Variants in CELF2 observed in about 807,000 individuals in gnomAD.
CELF2 encodes CUGBP Elav-like family member 2.
In CELF2, 8 loss-of-function variants were observed where a neutral mutation model predicts 62.6. The ratio of observed to expected loss-of-function variants is 0.13; its 90% confidence interval spans 0.07 to 0.23. The LOEUF is 0.23. Among genes scored for constraint, CELF2 ranks in the 10% least tolerant of loss-of-function variants. The probability of loss-of-function intolerance (pLI) is 1.00; values close to 1 mark genes in which losing one functional copy is unlikely to be tolerated. For missense variants in CELF2, 333 were observed against 671.0 expected, an observed-to-expected ratio of 0.50 and a Z score of 5.56; for synonymous variants, 258 against 250.0, an observed-to-expected ratio of 1.03 and a Z score of -0.30.
the CELF2 span, among the ~76,000 whole-genome samples, chr10:10,628,698 C>A: frequency 6.6e-6 from 1 of 152,216 alleles, no homozygotes; most frequent in Non-Finnish European, 1.5e-5. Context: ...CATTGATGGA[C>A]ATTTGGGTTG....
the CELF2 span, among the ~76,000 whole-genome samples, chr10:10,496,756 C>G: frequency 6.6e-6 from 1 of 152,038 alleles, no homozygotes; most frequent in Non-Finnish European, 1.5e-5. Context: ...CCCTACAGGA[C>G]CTGGGGTGCT....
the CELF2 span, among the ~76,000 whole-genome samples, chr10:10,531,149 A>G: frequency 6.6e-6 from 1 of 152,240 alleles, no homozygotes; most frequent in African/African-American, 2.4e-5. Flanking sequence ...ATACATTTGA[A>G]TTGGCATCCG....
chr10:11,202,734 G>A (rs2059490244), intron 2 of CELF2, among the ~76,000 whole-genome samples: 1 of 152,164 alleles, frequency 6.6e-6, no homozygotes, highest in East Asian at 1.9e-4. Flanking sequence ...AGAACTAACA[G>A]TGAGACCCTT....
At chr10:10,949,127 G>A (rs1426660682) in intron 2 of CELF2, among the ~76,000 whole-genome samples, 1 of 152,172 alleles carries the variant, frequency 6.6e-6, no homozygotes, top group Non-Finnish European at 1.5e-5. Flanking sequence ...ATATTTGCAT[G>A]TGAAGTCTGA....
chr10:11,058,730 A>G (rs1243850669), intron 1 of CELF2, among the ~76,000 whole-genome samples: 1 of 151,660 alleles, frequency 6.6e-6, no homozygotes, highest in Non-Finnish European at 1.5e-5. Context: ...AGCCTCCCAA[A>G]GTGCTGGGAT....
At position 11,133,480 on chromosome 10, in the gene CELF2, A is replaced by G. The variant is rs528133842; in HGVS notation, c.75-32006A>G. Among the ~76,000 whole-genome samples the G allele has an allele frequency of 3.3e-5, 5 of 152,350 alleles. No individual in the cohort carries two copies. In the South Asian group the frequency reaches 1.0e-3, roughly 32 times the overall value. On this transcript the variant is annotated intron_variant, in intron 1 of 12. Transcript: ENST00000633077. ...TAGAGGCCTGTGCAGTGCTCCTGCA[A>G]CTAATGGTAATAACTGTGGTCATTG...
Position 11,255,680 on chromosome 10 carries a change from C to G in CELF2, c.404-2058C>G, listed in dbSNP as rs1565583931. Among the ~76,000 whole-genome samples the G allele has an allele frequency of 6.6e-6, 1 of 151,998 alleles. No homozygotes were observed. The highest frequency in any genetic ancestry group is 6.6e-5 in the Admixed American group (1 of 15,250). ...AGAGCTGGGTGGAAGGGATTCTGAC[C>G]CCCCACTCACCGTCCCTGCCTCAAG... On this transcript the variant is annotated intron_variant, in intron 4 of 12. Coordinates refer to ENST00000633077, the MANE Select transcript of CELF2 (RefSeq NM_001326342.2). This position sits in a 1 kb window ranked among gnomAD's most constrained non-coding sequence, Gnocchi z 5.5.
intron 1 of CELF2, among the ~76,000 whole-genome samples, chr10:11,140,754 GC>G (rs2061213612): frequency 6.6e-6 from 1 of 152,198 alleles, no homozygotes; most frequent in Non-Finnish European, 1.5e-5. Context: ...AGTGACTCAT[GC>G]CTGTAATCCC....
intron 1 of CELF2, among the ~76,000 whole-genome samples, chr10:11,118,030 T>C (rs912181252): frequency 6.6e-5 from 10 of 152,142 alleles, no homozygotes; most frequent in Admixed American, 5.2e-4. Flanking sequence ...ATCAGAAGCA[T>C]TTAATTGTCT....
chr10:10,892,144 G>A (rs1222142331), intron 1 of CELF2, among the ~76,000 whole-genome samples: 1 of 152,168 alleles, frequency 6.6e-6, no homozygotes, highest in Non-Finnish European at 1.5e-5. Context: ...ACTTTTGAGA[G>A]CAAGAAATAA....
the CELF2 span, among the ~76,000 whole-genome samples, chr10:10,631,541 C>T: frequency 6.6e-6 from 1 of 152,202 alleles, no homozygotes; most frequent in African/African-American, 2.4e-5. Context: ...TAAAACTTGA[C>T]AGTAACACTA....
intron 1 of CELF2, among the ~76,000 whole-genome samples, chr10:11,079,805 A>G (rs1329305922): frequency 7.0e-6 from 1 of 142,762 alleles, no homozygotes; most frequent in Non-Finnish European, 1.5e-5. Context: ...GTTGTCACTC[A>G]CCTTTCCCTC....
chr10:10,871,428 G>A (rs1466632482), intron 1 of CELF2, among the ~76,000 whole-genome samples: 1 of 152,088 alleles, frequency 6.6e-6, no homozygotes, highest in East Asian at 1.9e-4. Context: ...GTGACTTGAC[G>A]TCTGGAGTTG....
chr10:10,556,629 A>G, the CELF2 span, among the ~76,000 whole-genome samples: 18 of 152,046 alleles, frequency 1.2e-4, no homozygotes, highest in African/African-American at 3.4e-4. Context: ...CAATGGTTGA[A>G]CTAGTTTACA....
At chr10:11,121,686 G>A (rs1239418723) in intron 1 of CELF2, among the ~76,000 whole-genome samples, 2 of 151,780 alleles carry the variant, frequency 1.3e-5, no homozygotes, top group Non-Finnish European at 2.9e-5. Flanking sequence ...CTAGTGCTAA[G>A]AGGCTAGTAT....
intron 3 of CELF2, among the ~76,000 whole-genome samples, chr10:11,236,917 G>T (rs1350971118): frequency 6.6e-6 from 1 of 152,146 alleles, no homozygotes; most frequent in Non-Finnish European, 1.5e-5. Context: ...GGAATAATGC[G>T]AAATAGGCCT....
chr10:10,518,071 CA>C, the CELF2 span, among the ~76,000 whole-genome samples: 1 of 152,212 alleles, frequency 6.6e-6, no homozygotes, highest in Non-Finnish European at 1.5e-5. Flanking sequence ...ACGTCTCATT[CA>C]GGCTTAGCAT....
intron 5 of CELF2, among the ~76,000 whole-genome samples, chr10:11,261,508 T>C (rs1262561802): frequency 6.6e-6 from 1 of 151,474 alleles, no homozygotes; most frequent in South Asian, 2.1e-4. Flanking sequence ...CCCCAGCCCA[T>C]GTTCCAGGGC....
the CELF2 span, among the ~76,000 whole-genome samples, chr10:10,472,621 T>C: frequency 6.6e-6 from 1 of 151,902 alleles, no homozygotes; most frequent in South Asian, 2.1e-4. Flanking sequence ...TCTCTGCATG[T>C]CTAGTAATTT....
Sources: allele counts gnomAD v4.1 joint callset (sites outside exome capture counted in the v4.1 genomes callset), GRCh38; gene constraint gnomAD v4.1.1; non-coding constraint Gnocchi (gnomAD v3.1); transcripts MANE v1.5; gene names NCBI Gene and HGNC (gene_info 2026-07-23, HGNC 2026-07-21).